Variants in KIAA0319 observed in about 807,000 individuals in gnomAD.
KIAA0319 encodes KIAA0319, also known as dyslexia-associated protein KIAA0319.
KIAA0319 carries 83 observed loss-of-function variants against 108.4 expected under a neutral mutation model. The observed-to-expected ratio is 0.77, with a 90% CI of 0.64 to 0.92. The LOEUF (loss-of-function observed/expected upper bound fraction) is 0.92, where lower values mean the gene tolerates loss of function less well. Ranked by LOEUF, KIAA0319 falls within the 40% of genes least tolerant of loss-of-function variation. KIAA0319 has a pLI of 0.00. For missense variants in KIAA0319, 1,195 were observed against 1,322.4 expected (o/e 0.90, Z 1.49); for synonymous variants, 484 against 510.4 (o/e 0.95, Z 0.70).
intron 3 of KIAA0319, 21 bp from the exon 4 acceptor site, chr6:24,588,806 A>T (rs115399701): frequency 7.9e-5 from 124 of 1,575,850 alleles, no homozygotes; most frequent in Non-Finnish European, 1.1e-4. Flanking sequence ...AATTACAAGG[A>T]TAAATTGTTA....
At chr6:24,577,620 C>T (rs895143083) in intron 9 of KIAA0319, among the ~76,000 whole-genome samples, 2 of 152,176 alleles carry the variant, frequency 1.3e-5, no homozygotes, top group African/African-American at 2.4e-5. Flanking sequence ...GAATGCAGGC[C>T]TTCCTTGCAG....
In KIAA0319 at chr6:24,596,430, A is replaced by G. The variant is rs1446943636; in HGVS notation, c.244T>C (p.Cys82Arg). 6.2e-7 allele frequency: 1 copy of G among 1,614,078 alleles called. No homozygotes were observed. Among genetic ancestry groups the G allele is most frequent in the Non-Finnish European group, 8.5e-7 (1 of 1,180,028 alleles). Reference sequence around the variant, plus strand: ...GGCTCACAGTTCTCTTTGTGGGGGCAGCTCACCAGGTAGCAGCGGCCCTCG... The same window carrying G: ...GGCTCACAGTTCTCTTTGTGGGGGCGGCTCACCAGGTAGCAGCGGCCCTCG... Reference protein sequence around the residue: ...WFEGRCYLVSCPHKENCEPKK... With the variant: ...WFEGRCYLVSRPHKENCEPKK... Residue 82 changes from cysteine (C) to arginine (R), a missense_variant, in exon 3 of 21, where the codon TGC (cysteine) becomes CGC (arginine). Cys to Arg is a radical substitution (Grantham distance 180). Transcript: ENST00000378214.
intron 10 of KIAA0319, among the ~76,000 whole-genome samples, chr6:24,574,461 G>T (rs1431238158): frequency 2.0e-5 from 3 of 152,106 alleles, no homozygotes; most frequent in East Asian, 3.9e-4. Context: ...ATATAATTTT[G>T]TAAAACTCTA....
At chr6:24,606,438 G>T (rs1378097238) in intron 1 of KIAA0319, among the ~76,000 whole-genome samples, 1 of 152,174 alleles carries the variant, frequency 6.6e-6, no homozygotes, top group Non-Finnish European at 1.5e-5. Context: ...GTCAGAGAAT[G>T]AATGAGATGT....
chr6:24,591,113 G>A (rs547672123), intron 3 of KIAA0319, among the ~76,000 whole-genome samples: 2 of 152,232 alleles, frequency 1.3e-5, no homozygotes, highest in African/African-American at 4.8e-5. Flanking sequence ...TCCTCTACAA[G>A]TTTGATCTTG....
chr6:24,583,120 G>A, intron 5 of KIAA0319: 1 of 985,958 alleles, frequency 1.0e-6, no homozygotes, highest in Non-Finnish European at 1.2e-6. Flanking sequence ...CTGAATGGTA[G>A]AGCACTGGAC....
chr6:24,591,013 T>C lies in KIAA0319; in HGVS notation c.802-2228A>G, dbSNP rs561960716. Among the ~76,000 whole-genome samples, 35 of 152,334 alleles carry C rather than the reference T, an allele frequency of 2.3e-4. 1 individual carries two copies. In the South Asian group the frequency reaches 6.8e-3, roughly 30 times the overall value. ...GTTTCAAATGGCTCTTGTTTCTATG[T>C]TCTCTACTCATTTACTTTAAAACAA... On this transcript the variant is annotated intron_variant, in intron 3 of 20. Transcript: ENST00000378214.
In KIAA0319 at chr6:24,546,986, A is replaced by C; in HGVS notation, c.*179T>G. The C allele has an allele frequency of 1.7e-6, 1 of 597,254 alleles. No individual in the cohort carries two copies. Among genetic ancestry groups the C allele is most frequent in the Non-Finnish European group, 2.9e-6 (1 of 340,232 alleles). 37.0% of individuals were successfully genotyped at this position (597,254 alleles called of 1,614,324 possible). ...TCTATTAACAAGCATCTCAGTTAAA[A>C]GAGCAAAGTTTTTGTTTTGTGCCTT... On this transcript the variant is annotated 3_prime_UTR_variant, in exon 21 of 21. Transcript: ENST00000378214.
At chr6:24,628,029 T>A (rs540708936) in intron 1 of KIAA0319, among the ~76,000 whole-genome samples, 1 of 152,348 alleles carries the variant, frequency 6.6e-6, no homozygotes, top group Admixed American at 6.5e-5. Flanking sequence ...TTAGACATTA[T>A]TCATCATTGC....
chr6:24,547,449 G>A (rs543627197), intron 20 of KIAA0319, 106 bp from the exon 21 acceptor site: 54 of 936,944 alleles, frequency 5.8e-5, no homozygotes, highest in East Asian at 2.9e-4. Context: ...GGTGCTCTCC[G>A]CCCCTTGAAA....
intron 16 of KIAA0319, 73 bp from the exon 17 acceptor site, chr6:24,559,228 T>C (rs1381354336): frequency 6.5e-7 from 1 of 1,530,626 alleles, no homozygotes; most frequent in African/African-American, 1.4e-5. Context: ...CACCACAGCA[T>C]CTGACCTGTG....
intron 1 of KIAA0319, among the ~76,000 whole-genome samples, chr6:24,611,093 G>C (rs72841572): frequency 0.29 from 44,157 of 151,744 alleles, 8,196 homozygotes; most frequent in Non-Finnish European, 0.4. Flanking sequence ...ACTCCACATA[G>C]ACAAAAAGTA....
At chr6:24,568,758 C>T in intron 13 of KIAA0319, 23 bp downstream of exon 13, 1 of 1,610,586 alleles carries the variant, frequency 6.2e-7, no homozygotes, top group African/African-American at 1.3e-5. Flanking sequence ...AGGCCCAGCC[C>T]TGTCCACCTC....
At chr6:24,551,966 T>C (rs1057404608) in intron 19 of KIAA0319, among the ~76,000 whole-genome samples, 7 of 151,988 alleles carry the variant, frequency 4.6e-5, no homozygotes, top group African/African-American at 1.7e-4. Flanking sequence ...GCAAAAATTA[T>C]AATAAATTCC....
chr6:24,577,273 T>A (rs1765686166), intron 9 of KIAA0319, among the ~76,000 whole-genome samples: 1 of 152,184 alleles, frequency 6.6e-6, no homozygotes, highest in South Asian at 2.1e-4. Flanking sequence ...TGCCTGCAGG[T>A]TGAGCATGCA....
intron 2 of KIAA0319, chr6:24,600,700 C>G: frequency 6.6e-7 from 1 of 1,519,528 alleles, no homozygotes; most frequent in Non-Finnish European, 8.8e-7. Flanking sequence ...GTGCATCCAC[C>G]ATAAGCAAAC....
intron 3 of KIAA0319, among the ~76,000 whole-genome samples, chr6:24,595,564 A>AAC (rs1159096290): frequency 3.0e-5 from 3 of 101,628 alleles, no homozygotes; most frequent in Non-Finnish European, 4.7e-5. Flanking sequence ...AAAAAAAAAA[A>AAC]AAAAAACGCT....
chr6:24,579,822 A>G (rs1204219630), intron 8 of KIAA0319, 36 bp downstream of exon 8: 2 of 1,531,392 alleles, frequency 1.3e-6, no homozygotes, highest in Non-Finnish European at 1.8e-6. Context: ...CACGTAGAGA[A>G]AAAAAGAAAT....
intron 1 of KIAA0319, among the ~76,000 whole-genome samples, chr6:24,612,692 T>C (rs184364394): frequency 1.2e-3 from 180 of 152,246 alleles, no homozygotes; most frequent in African/African-American, 4.2e-3. Flanking sequence ...GTGGGAAAAA[T>C]ATAAATATAA....
Sources: gnomAD v4.1 joint callset for allele counts (sites outside exome capture counted in the v4.1 genomes callset) on GRCh38, gnomAD v4.1.1 for gene constraint, MANE v1.5 for transcripts, NCBI Gene and HGNC (gene_info 2026-07-23, HGNC 2026-07-21) for gene names.